Variants in NAV2 observed in about 807,000 individuals in gnomAD.
NAV2 encodes neuron navigator 2.
Under a neutral mutation model 223.2 loss-of-function variants are expected in NAV2, and 54 were observed. That is an observed-to-expected ratio of 0.24 (90% CI 0.19 to 0.30). The LOEUF (loss-of-function observed/expected upper bound fraction) is 0.30, where lower values mean the gene tolerates loss of function less well. Among genes scored for constraint, NAV2 ranks in the 10% least tolerant of loss-of-function variants. The pLI is 1.00. For missense variants in NAV2, 2,806 were observed against 3,147.5 expected (o/e 0.89, Z 2.60); for synonymous variants, 1,279 against 1,239.3 (o/e 1.03, Z -0.67).
chr11:19,632,358 T>C (rs1296663046), intron 1 of NAV2, among the ~76,000 whole-genome samples: 1 of 152,242 alleles, frequency 6.6e-6, no homozygotes, highest in Non-Finnish European at 1.5e-5. Flanking sequence ...GTTGCAAGGC[T>C]GTATGCTTCC....
chr11:19,705,580 T>C (rs2049637640), intron 1 of NAV2, among the ~76,000 whole-genome samples: 1 of 152,138 alleles, frequency 6.6e-6, no homozygotes, highest in Non-Finnish European at 1.5e-5. Flanking sequence ...CCTGATTACA[T>C]TTCTGCTCCC....
intron 11 of NAV2, among the ~76,000 whole-genome samples, chr11:20,018,501 C>G (rs1216522448): frequency 6.6e-6 from 1 of 151,706 alleles, no homozygotes; most frequent in Admixed American, 6.6e-5. Context: ...TATCTTTTTT[C>G]TTATGGAGAG....
rs146221579 is a variant in NAV2 at position 19,863,799 on chromosome 11, A to G, written c.439-5126A>G. Among the ~76,000 whole-genome samples, 284 of 152,320 alleles carry G rather than the reference A, an allele frequency of 1.9e-3. 1 individual carries two copies. The highest frequency in any genetic ancestry group is 6.3e-3 in the African/African-American group (260 of 41,574). ...TGCTGGTTTCCCTGCGTTCGACTGT[A>G]GGTTCTACAAGGTTGGGGATTATGT... On this transcript the variant is annotated intron_variant, in intron 3 of 37. Transcript: ENST00000349880.
chr11:20,073,194 A>G (rs1174443688), intron 22 of NAV2, among the ~76,000 whole-genome samples: 1 of 152,138 alleles, frequency 6.6e-6, no homozygotes, highest in African/African-American at 2.4e-5. Flanking sequence ...TGAGATAATC[A>G]TGTGGTTTTT....
In NAV2 at chr11:19,860,128, C is replaced by T. The variant is rs374934511; in HGVS notation, c.439-8797C>T. Among the ~76,000 whole-genome samples the T allele has an allele frequency of 2.9e-3, 383 of 132,598 alleles. No individual in the cohort carries two copies. The East Asian group carries it at 0.039, about 13-fold the overall frequency. The allele number at this position is 132,598 out of a possible 152,430, so 87.0% of individuals were successfully genotyped here. A position where few individuals can be genotyped will look rare whatever the true frequency, so the allele number is the denominator to read the frequency against. ...CCCAGTAGGGGCGGCCGGGCAGAGG[C>T]GCCCCTCACCTCCCGGACGGGGCGG... On this transcript the variant is annotated intron_variant, in intron 3 of 37. Coordinates refer to ENST00000349880, the MANE Select transcript of NAV2 (RefSeq NM_145117.5).
intron 1 of NAV2, among the ~76,000 whole-genome samples, chr11:19,771,211 A>G (rs751140431): frequency 6.6e-5 from 10 of 152,206 alleles, no homozygotes; most frequent in Non-Finnish European, 1.2e-4. Flanking sequence ...ATCCAGTTGT[A>G]ATAATATTAA....
At chr11:19,789,288 C>T (rs891222850) in intron 1 of NAV2, among the ~76,000 whole-genome samples, 1 of 152,156 alleles carries the variant, frequency 6.6e-6, no homozygotes, top group African/African-American at 2.4e-5. Context: ...ATGAATGGTT[C>T]ATACTTATGT....
intron 1 of NAV2, among the ~76,000 whole-genome samples, chr11:19,545,460 G>A (rs1184949399): frequency 7.5e-6 from 1 of 133,406 alleles, no homozygotes; most frequent in Non-Finnish European, 1.5e-5. Flanking sequence ...GTATGGGGCA[G>A]TGGTGTCCCT....
chr11:19,675,726 G>C (rs2135840897), intron 1 of NAV2, among the ~76,000 whole-genome samples: 1 of 152,290 alleles, frequency 6.6e-6, no homozygotes, highest in East Asian at 1.9e-4. Context: ...CAGTCCCGGG[G>C]CCCAAATGTG....
chr11:19,739,169 G>T (rs748062205), intron 1 of NAV2, among the ~76,000 whole-genome samples: 7 of 152,108 alleles, frequency 4.6e-5, no homozygotes, highest in Admixed American at 1.3e-4. Flanking sequence ...GTGACAGAGT[G>T]AGACCCTCTG....
At chr11:20,011,600 C>T (rs1461521729) in intron 11 of NAV2, among the ~76,000 whole-genome samples, 1 of 152,218 alleles carries the variant, frequency 6.6e-6, no homozygotes, top group Non-Finnish European at 1.5e-5. Flanking sequence ...TGTCCAAAGT[C>T]ACACAGCTAA....
At chr11:19,941,123 A>G (rs2046363939) in intron 8 of NAV2, among the ~76,000 whole-genome samples, 1 of 152,148 alleles carries the variant, frequency 6.6e-6, no homozygotes, top group Admixed American at 6.5e-5. Context: ...TTGAAAAGCA[A>G]AAGCAGGAGC....
chr11:19,380,317 A>G (rs1848794115), intron 1 of NAV2, among the ~76,000 whole-genome samples: 1 of 152,204 alleles, frequency 6.6e-6, no homozygotes, highest in Admixed American at 6.5e-5. Flanking sequence ...GTTCCCTTGC[A>G]TTAGATATTT....
intron 14 of NAV2, among the ~76,000 whole-genome samples, chr11:20,048,158 A>C (rs1434735104): frequency 6.6e-6 from 1 of 152,218 alleles, no homozygotes; most frequent in Non-Finnish European, 1.5e-5. Flanking sequence ...TCTGGCTTCA[A>C]AAGATACATC....
chr11:20,049,909 C>T lies in NAV2; in HGVS notation c.4436+8C>T, dbSNP rs2057805955. ...GCCCAGGAAACAGGACAGGTAATGACATTGCAGGCCGGGGACCAACCGAGC... is the reference window on the plus strand; with the variant it reads ...GCCCAGGAAACAGGACAGGTAATGATATTGCAGGCCGGGGACCAACCGAGC... On this transcript the variant is annotated splice_region_variant and intron_variant, in intron 16 of 37. Transcript: ENST00000349880. The T allele has an allele frequency of 9.9e-6, 16 of 1,613,950 alleles. No homozygotes were observed. Among genetic ancestry groups the T allele is most frequent in the Non-Finnish European group, 1.4e-5 (16 of 1,179,816 alleles).
At chr11:19,822,994 C>T (rs2059457712) in intron 1 of NAV2, among the ~76,000 whole-genome samples, 1 of 152,086 alleles carries the variant, frequency 6.6e-6, no homozygotes, top group Non-Finnish European at 1.5e-5. Flanking sequence ...TATGGGTTTT[C>T]CTTGAGGGAA....
chr11:19,424,574 G>A (rs868490867), intron 1 of NAV2, among the ~76,000 whole-genome samples: 1 of 152,106 alleles, frequency 6.6e-6, no homozygotes, highest in Non-Finnish European at 1.5e-5. Context: ...GTTTCGAGAC[G>A]GAGTCTTGCT....
intron 1 of NAV2, among the ~76,000 whole-genome samples, chr11:19,489,877 A>G (rs2042567351): frequency 6.6e-6 from 1 of 152,200 alleles, no homozygotes; most frequent in African/African-American, 2.4e-5. Flanking sequence ...TTTATTCCAC[A>G]GTCCCAGAAC....
chr11:19,685,495 TAATGTTAAG>T (rs962283047), intron 1 of NAV2, among the ~76,000 whole-genome samples: 30 of 152,160 alleles, frequency 2.0e-4, no homozygotes, highest in African/African-American at 6.7e-4. Flanking sequence ...GGCTCCAAGA[TAATGTTAAG>T]GAAGAGGAGG....
Sources: gnomAD v4.1 joint callset for allele counts (sites outside exome capture counted in the v4.1 genomes callset) on GRCh38, gnomAD v4.1.1 for gene constraint, MANE v1.5 for transcripts, NCBI Gene and HGNC (gene_info 2026-07-23, HGNC 2026-07-21) for gene names.